UPB1: variants seen among roughly 807,000 people sequenced by gnomAD.
UPB1 encodes the protein beta-ureidopropionase.
UPB1 carries 40 observed loss-of-function variants against 49.1 expected under a neutral mutation model. The observed-to-expected ratio is 0.81, with a 90% CI of 0.63 to 1.06. The LOEUF (loss-of-function observed/expected upper bound fraction) is 1.06. Ranked by LOEUF, UPB1 falls within the 50% of genes least tolerant of loss-of-function variation. UPB1 has a pLI of 0.00. For synonymous variants in UPB1, 207 were observed against 198.2 expected (o/e 1.04, Z -0.38); for missense variants, 499 against 505.9 (o/e 0.99, Z 0.13).
In UPB1 at chr22:24,522,029, G is replaced by A; in HGVS notation, c.916+1G>A. 1.9e-6 allele frequency: 3 copies of A among 1,613,942 alleles called. No homozygotes were observed. The highest frequency in any genetic ancestry group is 2.5e-6 in the Non-Finnish European group (3 of 1,179,988). ...TTTACCTCGGGAGATGGAAAGAAAG[G>A]TATGTCCCATGAACCATGGTGGCTG... On this transcript the variant is annotated splice_donor_variant, in intron 8 of 9. Coordinates refer to ENST00000326010, the MANE Select transcript of UPB1 (RefSeq NM_016327.3). LOFTEE classifies it high-confidence loss of function.
chr22:24,496,301 G>A (rs2043874929), intron 1 of UPB1, among the ~76,000 whole-genome samples: 1 of 151,844 alleles, frequency 6.6e-6, no homozygotes, highest in African/African-American at 2.4e-5. Flanking sequence ...AGCTTGGGAG[G>A]TCGAGGCTGC....
At chr22:24,522,943 TAAAAAAAA>T (rs747503249) in intron 8 of UPB1, among the ~76,000 whole-genome samples, 1 of 66,378 alleles carries the variant, frequency 1.5e-5, no homozygotes, top group African/African-American at 6.0e-5. Context: ...AAATGCCACC[TAAAAAAAA>T]AAAAAAAAAA....
intron 3 of UPB1, among the ~76,000 whole-genome samples, chr22:24,508,999 C>T (rs1415450014): frequency 3.9e-5 from 6 of 152,008 alleles, no homozygotes; most frequent in Non-Finnish European, 8.8e-5. Flanking sequence ...AAGAAAAAGA[C>T]GAATAGCACA....
intron 3 of UPB1, 113 bp from the exon 4 acceptor site, chr22:24,510,636 A>C: frequency 1.7e-6 from 2 of 1,157,758 alleles, no homozygotes; most frequent in Non-Finnish European, 1.3e-6. Context: ...AAGCCAGGCC[A>C]TGGCACTCCT....
intron 1 of UPB1, 28 bp from the exon 2 acceptor site, chr22:24,500,079 C>T (rs1257903814): frequency 2.4e-5 from 38 of 1,613,734 alleles, no homozygotes; most frequent in Non-Finnish European, 2.7e-5. Flanking sequence ...ATCAAAATCC[C>T]CTTCCCTCTT....
rs2044372192 is a variant in UPB1 at position 24,520,586 on chromosome 22, C to T, written c.873+118C>T. 11 of 1,150,664 alleles carry T rather than the reference C, an allele frequency of 9.6e-6. No individual in the cohort carries two copies. The South Asian group carries it at 1.0e-4, about 11-fold the overall frequency. The allele number at this position is 1,150,664 out of a possible 1,614,324, so 71.3% of individuals were successfully genotyped here. A position where few individuals can be genotyped will look rare whatever the true frequency, so the allele number is the denominator to read the frequency against. ...AGGGTCCGGAAAGGGGTAAAACTGG[C>T]TTGGTCCGTTACTTTTCAAGATATC... On this transcript the variant is annotated intron_variant, in intron 7 of 9. Coordinates refer to ENST00000326010, the MANE Select transcript of UPB1 (RefSeq NM_016327.3).
At chr22:24,518,743 C>T (rs559449376) in intron 6 of UPB1, among the ~76,000 whole-genome samples, 1 of 152,316 alleles carries the variant, frequency 6.6e-6, no homozygotes, top group East Asian at 1.9e-4. Context: ...TCCTCATAAT[C>T]CAAGGATGTG....
chr22:24,514,510 G>C (rs969294422), intron 5 of UPB1, among the ~76,000 whole-genome samples: 3 of 152,186 alleles, frequency 2.0e-5, no homozygotes, highest in Admixed American at 2.0e-4. Context: ...GGCTCCTGGA[G>C]CAGATCTGTT....
rs191097566 is a variant in UPB1 at position 24,510,369 on chromosome 22, G to C, written c.365-380G>C. Among the ~76,000 whole-genome samples the C allele has an allele frequency of 9.9e-5, 15 of 152,238 alleles. 1 individual carries two copies. In the East Asian group the frequency reaches 2.9e-3, roughly 29 times the overall value. On this transcript the variant is annotated intron_variant, in intron 3 of 9. Coordinates refer to ENST00000326010, the MANE Select transcript of UPB1 (RefSeq NM_016327.3). Reference sequence around the variant, plus strand: ...ATCAGAATTTCTTCCCTTTTTAAAAGAGAGTTGACTGATATTCCATTGTGT... The same window carrying C: ...ATCAGAATTTCTTCCCTTTTTAAAACAGAGTTGACTGATATTCCATTGTGT...
chr22:24,503,984 G>T (rs545498915), intron 3 of UPB1, among the ~76,000 whole-genome samples: 1 of 152,366 alleles, frequency 6.6e-6, no homozygotes, highest in Admixed American at 6.5e-5. Flanking sequence ...TGGTAGTCAG[G>T]CAGGGACAGG....
Position 24,526,246 on chromosome 22 carries a change from C to G in UPB1, c.*452C>G. On this transcript the variant is annotated 3_prime_UTR_variant, in exon 10 of 10. Transcript: ENST00000326010. Reference sequence around the variant, plus strand: ...ATGGTCTTTGGATGTGTCAGCTTAGCTAGGCCACAGTCACCAGTAATTCAA... The same window carrying G: ...ATGGTCTTTGGATGTGTCAGCTTAGGTAGGCCACAGTCACCAGTAATTCAA... 1 of 257,958 alleles carries G rather than the reference C, an allele frequency of 3.9e-6. No homozygotes were observed. Among genetic ancestry groups the G allele is most frequent in the Non-Finnish European group, 7.7e-6 (1 of 129,440 alleles). 16.0% of individuals were successfully genotyped at this position (257,958 alleles called of 1,614,324 possible). A position where few individuals can be genotyped will look rare whatever the true frequency, so the allele number is the denominator to read the frequency against.
At chr22:24,511,508 C>T (rs559052667) in intron 4 of UPB1, among the ~76,000 whole-genome samples, 1 of 151,972 alleles carries the variant, frequency 6.6e-6, no homozygotes, top group Non-Finnish European at 1.5e-5. Context: ...CTGAATTGCA[C>T]ACTTCAAAAG....
At chr22:24,501,533 T>A (rs2147002828) in intron 2 of UPB1, among the ~76,000 whole-genome samples, 2 of 152,274 alleles carry the variant, frequency 1.3e-5, no homozygotes, top group East Asian at 3.9e-4. Flanking sequence ...ACTTGGCCCA[T>A]AGCTGTGAGA....
rs1009210736 is a variant in UPB1, at chr22:24,520,306, C to G, written c.792-81C>G. The G allele has an allele frequency of 4.7e-5, 71 of 1,511,790 alleles. No homozygotes were observed. The East Asian group carries it at 1.7e-3, about 35-fold the overall frequency. The allele number at this position is 1,511,790 out of a possible 1,614,324, so 93.6% of individuals were successfully genotyped here. ...ACCACTGGCCCAGGAAAGCCTGCAG[C>G]CAGGCCAGGCTCAGGGCTGAGCATC... On this transcript the variant is annotated intron_variant, in intron 6 of 9. Coordinates refer to ENST00000326010, the MANE Select transcript of UPB1 (RefSeq NM_016327.3).
At chr22:24,520,121 C>T in intron 6 of UPB1, 1 of 543,194 alleles carries the variant, frequency 1.8e-6, no homozygotes, top group Non-Finnish European at 3.3e-6. Context: ...AGCCACGTGG[C>T]TTATGCCTGC....
At position 24,515,214 on chromosome 22, in the gene UPB1, T is replaced by C. The variant is rs750286662; in HGVS notation, c.635T>C (p.Met212Thr). 4 of 1,614,044 alleles carry C rather than the reference T, an allele frequency of 2.5e-6. No individual in the cohort carries two copies. Among genetic ancestry groups the C allele is most frequent in the South Asian group, 1.1e-5 (1 of 91,084 alleles). ...VGDFNESTYYMEGNLGHPVFQ... is the reference protein window; with the variant it reads ...VGDFNESTYYTEGNLGHPVFQ... ...TTTGCTTTTCAGTCAACTTACTACA[T>C]GGAGGGAAACCTGGGCCACCCCGTG... Residue 212 changes from methionine to threonine, a missense_variant, in exon 6 of 10, where the codon ATG becomes ACG. By Grantham distance (81) the Met-to-Thr change is moderately conservative. Transcript: ENST00000326010.
At chr22:24,519,834 A>G (rs2044356123) in intron 6 of UPB1, 2 of 196,790 alleles carry the variant, frequency 1.0e-5, no homozygotes, top group South Asian at 8.5e-5. Flanking sequence ...TAGGGCAGGT[A>G]CAGCCTGTGC....
intron 4 of UPB1, among the ~76,000 whole-genome samples, chr22:24,512,379 A>C (rs1191824145): frequency 6.6e-6 from 1 of 152,188 alleles, no homozygotes; most frequent in Non-Finnish European, 1.5e-5. Flanking sequence ...GCCAGAGATC[A>C]TGACAGCTAA....
At chr22:24,500,016 G>C (rs1467101218) in intron 1 of UPB1, 91 bp from the exon 2 acceptor site, 3 of 1,593,550 alleles carry the variant, frequency 1.9e-6, no homozygotes, top group Non-Finnish European at 2.6e-6. Context: ...CACCTCTTTG[G>C]CTGATAAATA....
Sources: allele counts gnomAD v4.1 joint callset (sites outside exome capture counted in the v4.1 genomes callset), GRCh38; gene constraint gnomAD v4.1.1; transcripts MANE v1.5; gene names NCBI Gene and HGNC (gene_info 2026-07-23, HGNC 2026-07-21).